The following MTIF3 variants were observed in gnomAD, a reference collection of about 807,000 sequenced individuals.
MTIF3 encodes mitochondrial translational initiation factor 3, also known as translation initiation factor IF-3, mitochondrial.
A neutral mutation model predicts 20.7 loss-of-function variants in MTIF3; 13 were observed. The ratio of observed to expected loss-of-function variants is 0.63; its 90% CI spans 0.41 to 1.00. The LOEUF is 1.00. Ranked by LOEUF, MTIF3 falls within the 50% of genes least tolerant of loss-of-function variation. The pLI is 0.00. For missense variants in MTIF3, 295 were observed against 324.5 expected (o/e 0.91, Z 0.70); for synonymous variants, 114 against 112.5 (o/e 1.01, Z -0.08).
chr13:27,441,757 T>A, intron 2 of MTIF3, among the ~76,000 whole-genome samples: 1 of 152,146 alleles, frequency 6.6e-6, no homozygotes, highest in East Asian at 1.9e-4. Context: ...AGGTGTGACT[T>A]GTCAAAGATG....
intron 2 of MTIF3, among the ~76,000 whole-genome samples, chr13:27,442,837 T>C (rs751969392): frequency 3.9e-5 from 6 of 152,238 alleles, no homozygotes; most frequent in Non-Finnish European, 8.8e-5. Context: ...ACTGCATTCA[T>C]CACTGCTGGA....
intron 2 of MTIF3, chr13:27,440,894 T>C (rs934388173): frequency 5.2e-5 from 9 of 173,584 alleles, no homozygotes; most frequent in Admixed American, 4.9e-4. Context: ...ATGAATAACA[T>C]AAGCAGTTGA....
intron 3 of MTIF3, among the ~76,000 whole-genome samples, chr13:27,438,043 G>A (rs1475119693): frequency 1.3e-5 from 2 of 151,966 alleles, no homozygotes; most frequent in Admixed American, 6.5e-5. Flanking sequence ...ATATAAACAC[G>A]CAATTCACAG....
chr13:27,443,567 G>A (rs1418918600), intron 2 of MTIF3, among the ~76,000 whole-genome samples: 1 of 152,144 alleles, frequency 6.6e-6, no homozygotes, highest in East Asian at 1.9e-4. Context: ...TAAATAGATA[G>A]ATATAAATTC....
At chr13:27,444,825 A>G (rs1294065997) in intron 2 of MTIF3, among the ~76,000 whole-genome samples, 1 of 152,200 alleles carries the variant, frequency 6.6e-6, no homozygotes, top group Non-Finnish European at 1.5e-5. Flanking sequence ...TTCATCAAAT[A>G]TTTAGCTTTC....
rs1953963105 is a variant in MTIF3 at position 27,440,341 on chromosome 13, C to G, written c.108G>C (p.Gln36His). The part of the protein sequence containing the change: ...KHILQKTAPA[Q>H]LSPIASAPRL... ...TTGGGGCAGAAGCAATAGGGGACAA[C>G]TGTGCTGGTGCTGTCTTTTGCAGGA... is the stretch of plus-strand genomic sequence containing the variant. The change falls in exon 3 of 5, where the codon CAG (glutamine) becomes CAC (histidine). Residue 36 changes from glutamine to histidine, a missense_variant. Transcript: ENST00000381120. 1.2e-6 allele frequency: 2 copies of G among 1,614,058 alleles called. No homozygotes were observed. The highest frequency in any genetic ancestry group is 1.7e-6 in the Non-Finnish European group (2 of 1,180,042).
Position 27,437,202 on chromosome 13 carries a change from G to C in MTIF3, c.532C>G (p.Gln178Glu), listed in dbSNP as rs200801688. Reference protein sequence around the residue: ...GQHDLDTKTKQIQQWIKKKHL... With the variant: ...GQHDLDTKTKEIQQWIKKKHL... ...TTTTTCTTAATCCACTGCTGAATCT[G>C]TTTAGTCTTTGTGTCCAAATCATGT... Residue 178 changes from glutamine to glutamate, a missense_variant, in exon 4 of 5, where the codon CAG becomes GAG. Coordinates refer to ENST00000381120, the MANE Select transcript of MTIF3 (RefSeq NM_152912.5). 1.9e-6 allele frequency: 3 copies of C among 1,613,872 alleles called. No homozygotes were observed. Among genetic ancestry groups the C allele is most frequent in the Admixed American group, 3.3e-5 (2 of 60,006 alleles).
intron 2 of MTIF3, among the ~76,000 whole-genome samples, chr13:27,441,686 G>A (rs149942480): frequency 6.6e-6 from 1 of 152,292 alleles, no homozygotes; most frequent in African/African-American, 2.4e-5. Flanking sequence ...AGAGTGCTGA[G>A]AGGACCCATT....
intron 4 of MTIF3, 36 bp from the exon 5 acceptor site, chr13:27,435,929 T>C: frequency 1.2e-5 from 18 of 1,547,824 alleles, no homozygotes; most frequent in Non-Finnish European, 1.5e-5. Context: ...TAATTTAAAA[T>C]CAGAGGCTTT....
chr13:27,439,131 A>G (rs780206142), intron 3 of MTIF3, among the ~76,000 whole-genome samples: 1 of 152,242 alleles, frequency 6.6e-6, no homozygotes, highest in Non-Finnish European at 1.5e-5. Flanking sequence ...TATATCTAAG[A>G]GTGTTGCTAC....
rs147297313 is a variant in MTIF3 at position 27,440,219 on chromosome 13, T to C, written c.230A>G (p.Asn77Ser). The change falls in exon 3 of 5, where the codon AAC becomes AGC. Residue 77 changes from asparagine (N) to serine (S), a missense_variant. Transcript: ENST00000381120. ...TCGCTGACTAATTTTTCTTCCAACG[T>C]TACTAAAAGCTGTTTTATTCTTTTT... Reference protein sequence around the residue: ...KTKKNKTAFSNVGRKISQRVI... With the variant: ...KTKKNKTAFSSVGRKISQRVI... The C allele has an allele frequency of 1.5e-5, 24 of 1,614,142 alleles. No individual in the cohort carries two copies. Among genetic ancestry groups the C allele is most frequent in the Non-Finnish European group, 2.0e-5 (24 of 1,180,054 alleles).
intron 3 of MTIF3, among the ~76,000 whole-genome samples, chr13:27,437,907 G>A (rs1338037140): frequency 6.6e-6 from 1 of 150,528 alleles, no homozygotes; most frequent in African/African-American, 2.4e-5. Flanking sequence ...TCTCAGGATA[G>A]GGGATGGAAC....
chr13:27,440,806 C>A (rs1000795406), intron 2 of MTIF3, among the ~76,000 whole-genome samples: 1 of 152,034 alleles, frequency 6.6e-6, no homozygotes, highest in Non-Finnish European at 1.5e-5. Context: ...GAAACAGACC[C>A]CCTGTGCAGT....
At chr13:27,441,738 A>G (rs1386471711) in intron 2 of MTIF3, among the ~76,000 whole-genome samples, 1 of 152,178 alleles carries the variant, frequency 6.6e-6, no homozygotes, top group Non-Finnish European at 1.5e-5. Flanking sequence ...GAGAATCACA[A>G]ACTTGGAGAG....
At chr13:27,440,489 C>G in intron 2 of MTIF3, 40 bp from the exon 3 acceptor site, 1 of 1,473,644 alleles carries the variant, frequency 6.8e-7, no homozygotes, top group African/African-American at 1.4e-5. Context: ...AATTCAATCA[C>G]TTATTCCCTT....
At chr13:27,446,116 G>A (rs573338004) in intron 1 of MTIF3, among the ~76,000 whole-genome samples, 2 of 152,086 alleles carry the variant, frequency 1.3e-5, no homozygotes, top group South Asian at 4.2e-4. Context: ...GAGTGCAGTG[G>A]GGCAATCTCG....
intron 2 of MTIF3, chr13:27,441,319 A>G (rs986737466): frequency 2.0e-5 from 3 of 152,252 alleles, no homozygotes; most frequent in African/African-American, 7.2e-5. Flanking sequence ...AACTTCTAAT[A>G]TAATTAACTG....
In MTIF3 at chr13:27,440,193, C is replaced by T. The variant is rs745552581; in HGVS notation, c.256G>A (p.Val86Ile). The T allele has an allele frequency of 1.2e-6, 2 of 1,614,174 alleles. No individual in the cohort carries two copies. Among genetic ancestry groups the T allele is most frequent in the South Asian group, 2.2e-5 (2 of 91,084 alleles). The change falls in exon 3 of 5, where the codon GTT (valine) becomes ATT (isoleucine). Residue 86 changes from valine to isoleucine, a missense_variant. By Grantham distance (29) the Val-to-Ile change is conservative (BLOSUM62 3). Coordinates refer to ENST00000381120, the MANE Select transcript of MTIF3 (RefSeq NM_152912.5). ...SNVGRKISQR[V>I]IHLFDEKGND... is the part of the protein sequence containing the mutation. ...CCCTTCTCATCAAATAAGTGAATAACTCGCTGACTAATTTTTCTTCCAACG... is the reference window on the plus strand; with the variant it reads ...CCCTTCTCATCAAATAAGTGAATAATTCGCTGACTAATTTTTCTTCCAACG...
At chr13:27,447,049 A>AT (rs1294024511) in intron 1 of MTIF3, among the ~76,000 whole-genome samples, 1 of 152,146 alleles carries the variant, frequency 6.6e-6, no homozygotes, top group Non-Finnish European at 1.5e-5. Flanking sequence ...AACTTGTACA[A>AT]TTTTTTGCTA....
Sources: allele counts gnomAD v4.1 joint callset (sites outside exome capture counted in the v4.1 genomes callset), GRCh38; gene constraint gnomAD v4.1.1; transcripts MANE v1.5; gene names NCBI Gene and HGNC (gene_info 2026-07-23, HGNC 2026-07-21).